CALN1: variants seen among roughly 807,000 people sequenced by gnomAD.
The protein encoded by CALN1 is calneuron 1, also known as calcium-binding protein 8.
A neutral mutation model predicts 30.6 loss-of-function variants in CALN1; 17 were observed. The observed-to-expected ratio is 0.56, with a 90% CI of 0.38 to 0.83. The LOEUF (loss-of-function observed/expected upper bound fraction) is 0.83. CALN1 is among the 40% of genes least tolerant of loss of function. CALN1 has a pLI of 0.00. For missense variants in CALN1, 291 were observed against 354.9 expected (o/e 0.82, Z 1.45); for synonymous variants, 156 against 131.4 (o/e 1.19, Z -1.28).
At chr7:71,970,059 A>C (rs1797720379) in intron 5 of CALN1, among the ~76,000 whole-genome samples, 1 of 152,030 alleles carries the variant, frequency 6.6e-6, no homozygotes, top group South Asian at 2.1e-4. Flanking sequence ...TCTTGGACTC[A>C]ACTGATCCTG....
intron 4 of CALN1, among the ~76,000 whole-genome samples, chr7:72,100,521 A>G (rs1032580807): frequency 6.6e-6 from 1 of 152,120 alleles, no homozygotes; most frequent in Non-Finnish European, 1.5e-5. Flanking sequence ...TCCCACAATT[A>G]TAAGAATAAC....
At chr7:71,808,218 T>C (rs1460975595) in intron 6 of CALN1, among the ~76,000 whole-genome samples, 2 of 152,012 alleles carry the variant, frequency 1.3e-5, no homozygotes, top group Non-Finnish European at 2.9e-5. Flanking sequence ...TGGTGATAAT[T>C]ATTACCATAA....
chr7:72,413,407 CA>C (rs1349724676), upstream of CALN1, among the ~76,000 whole-genome samples: 1 of 151,964 alleles, frequency 6.6e-6, no homozygotes, highest in African/African-American at 2.4e-5. Flanking sequence ...ACCACACATG[CA>C]CATTCTTACA....
At chr7:72,379,821 G>C (rs1804782674) in intron 2 of CALN1, among the ~76,000 whole-genome samples, 3 of 152,178 alleles carry the variant, frequency 2.0e-5, no homozygotes, top group Admixed American at 2.0e-4. Flanking sequence ...TGACTCTGAT[G>C]TTAGGACTTA....
chr7:72,032,802 G>A (rs1030954845), intron 4 of CALN1, among the ~76,000 whole-genome samples: 5 of 152,124 alleles, frequency 3.3e-5, no homozygotes, highest in African/African-American at 1.2e-4. Flanking sequence ...CGTTCACAGA[G>A]AACCCTGCAC....
intron 2 of CALN1, among the ~76,000 whole-genome samples, chr7:72,302,386 A>C (rs1001961497): frequency 6.6e-6 from 1 of 152,360 alleles, no homozygotes; most frequent in South Asian, 2.1e-4. Context: ...ATTAAACTGC[A>C]CATCAGCATC....
intron 3 of CALN1, among the ~76,000 whole-genome samples, chr7:72,172,453 C>A (rs1369816859): frequency 1.3e-5 from 2 of 152,042 alleles, no homozygotes; most frequent in South Asian, 2.1e-4. Context: ...TGAAATGGAC[C>A]AAAAAGCAGA....
At chr7:72,163,705 A>T (rs1305218725) in intron 3 of CALN1, among the ~76,000 whole-genome samples, 1 of 152,218 alleles carries the variant, frequency 6.6e-6, no homozygotes, top group Non-Finnish European at 1.5e-5. Context: ...AACGAATTTG[A>T]AGACAGATCA....
intron 5 of CALN1, among the ~76,000 whole-genome samples, chr7:71,950,424 C>T (rs1334591776): frequency 6.6e-6 from 1 of 152,064 alleles, no homozygotes; most frequent in African/African-American, 2.4e-5. Context: ...AGAGTACTTG[C>T]CAAAAAACCT....
At chr7:71,829,699 C>T (rs997121807) in intron 5 of CALN1, among the ~76,000 whole-genome samples, 1 of 152,150 alleles carries the variant, frequency 6.6e-6, no homozygotes, top group African/African-American at 2.4e-5. Flanking sequence ...AAGTGGGATG[C>T]AGGTGGAGTT....
chr7:72,440,828 AAAAC>A (rs545089122), intron 1 of CALN1, among the ~76,000 whole-genome samples: 82 of 152,318 alleles, frequency 5.4e-4, no homozygotes, highest in African/African-American at 1.9e-3. Context: ...CTCTGTCTCA[AAAAC>A]AAACAATAAT....
intron 3 of CALN1, among the ~76,000 whole-genome samples, chr7:72,254,576 A>G (rs1483691150): frequency 3.9e-5 from 6 of 152,126 alleles, no homozygotes; most frequent in African/African-American, 1.2e-4. Context: ...CAAAAAACAC[A>G]TTATAATCAA....
At chr7:71,943,038 T>C (rs1031101517) in intron 5 of CALN1, among the ~76,000 whole-genome samples, 2 of 152,184 alleles carry the variant, frequency 1.3e-5, no homozygotes, top group African/African-American at 2.4e-5. Context: ...AATGTACTTC[T>C]TACATAAATT....
rs142780733 is a variant in CALN1 at position 72,426,793 on chromosome 7, G to T, written c.-225-14518C>A. On this transcript the variant is annotated intron_variant, in intron 1 of 6. Transcript: ENST00000395276. ...AACCTCACTTGAGTCTTTGGTTCTG[G>T]GGACAGTGACCAGCTATGGCTTGCA... Among the ~76,000 whole-genome samples, 53 of 152,226 alleles carry T rather than the reference G, an allele frequency of 3.5e-4. No individual in the cohort carries two copies. In the East Asian group the frequency reaches 9.9e-3, roughly 28 times the overall value.
At chr7:72,399,890 T>C (rs1806222477) in intron 2 of CALN1, among the ~76,000 whole-genome samples, 1 of 152,178 alleles carries the variant, frequency 6.6e-6, no homozygotes, top group Non-Finnish European at 1.5e-5. Context: ...GAGTGAGTTC[T>C]CACTCTATTA....
intron 5 of CALN1, among the ~76,000 whole-genome samples, chr7:71,908,055 C>T (rs1039986944): frequency 6.6e-6 from 1 of 152,186 alleles, no homozygotes; most frequent in Non-Finnish European, 1.5e-5. Flanking sequence ...CGGGTTATTG[C>T]TCCAATCATT....
intron 2 of CALN1, among the ~76,000 whole-genome samples, chr7:72,309,185 T>C (rs1443381204): frequency 6.6e-6 from 1 of 152,162 alleles, no homozygotes; most frequent in Non-Finnish European, 1.5e-5. Context: ...AGGGAGGCTC[T>C]ACGGGAGGGA....
At chr7:72,403,017 A>G (rs915352787) in intron 2 of CALN1, among the ~76,000 whole-genome samples, 1 of 152,182 alleles carries the variant, frequency 6.6e-6, no homozygotes, top group Non-Finnish European at 1.5e-5. Flanking sequence ...TCCCTCCCCA[A>G]GAGTCAGTTT....
At chr7:72,410,791 G>A (rs987273833) in intron 1 of CALN1, among the ~76,000 whole-genome samples, 8 of 151,324 alleles carry the variant, frequency 5.3e-5, no homozygotes, top group Admixed American at 5.3e-4. Flanking sequence ...ATCAGCTCAC[G>A]AGCCAGCACC....
Sources: gnomAD v4.1 joint callset for allele counts (sites outside exome capture counted in the v4.1 genomes callset) on GRCh38, gnomAD v4.1.1 for gene constraint, MANE v1.5 for transcripts, NCBI Gene and HGNC (gene_info 2026-07-23, HGNC 2026-07-21) for gene names.